STPG2: variants seen among roughly 807,000 people sequenced by gnomAD.
The protein encoded by STPG2 is sperm tail PG-rich repeat containing 2.
In STPG2, 56 loss-of-function variants were observed where a neutral mutation model predicts 54.2. That is an observed-to-expected ratio of 1.03 (90% CI 0.83 to 1.29). The LOEUF is 1.29. STPG2 is among the 50% of genes most tolerant of loss of function. The pLI is 0.00. For synonymous variants in STPG2, 200 were observed against 181.8 expected, an observed-to-expected ratio of 1.10 and a Z score of -0.81; for missense variants, 596 against 544.9, an observed-to-expected ratio of 1.09 and a Z score of -0.93.
At chr4:97,772,690 A>G (rs550276061) in intron 9 of STPG2, among the ~76,000 whole-genome samples, 4 of 152,344 alleles carry the variant, frequency 2.6e-5, no homozygotes, top group Non-Finnish European at 5.9e-5. Flanking sequence ...AAAAAGTTCT[A>G]TCTGGTAATT....
intron 8 of STPG2, among the ~76,000 whole-genome samples, chr4:97,864,119 A>C (rs1253382818): frequency 3.3e-5 from 5 of 152,176 alleles, no homozygotes; most frequent in Non-Finnish European, 7.3e-5. Flanking sequence ...AGGAGAAAGA[A>C]ATAAAGGGTA....
At chr4:98,116,509 C>T (rs1332338226) in intron 3 of STPG2, among the ~76,000 whole-genome samples, 1 of 151,882 alleles carries the variant, frequency 6.6e-6, no homozygotes, top group Non-Finnish European at 1.5e-5. Flanking sequence ...CTCCATTACA[C>T]TTCTTTGCAT....
At chr4:97,572,038 T>A (rs1732614697) in intron 10 of STPG2, among the ~76,000 whole-genome samples, 1 of 152,198 alleles carries the variant, frequency 6.6e-6, no homozygotes, top group Non-Finnish European at 1.5e-5. Flanking sequence ...AATGAAGTTT[T>A]GTACACTGCT....
At chr4:97,602,456 T>G (rs1733488747) in intron 10 of STPG2, among the ~76,000 whole-genome samples, 1 of 151,844 alleles carries the variant, frequency 6.6e-6, no homozygotes, top group Non-Finnish European at 1.5e-5. Context: ...TCTATTACTT[T>G]GTTAAGTAGA....
intron 5 of STPG2, among the ~76,000 whole-genome samples, chr4:98,072,347 G>C (rs1260128389): frequency 6.6e-6 from 1 of 152,074 alleles, no homozygotes; most frequent in Non-Finnish European, 1.5e-5. Context: ...TTTCAAGTGG[G>C]AGCTAAACGA....
intron 10 of STPG2, among the ~76,000 whole-genome samples, chr4:97,688,787 C>A (rs1040750498): frequency 6.6e-6 from 1 of 152,010 alleles, no homozygotes; most frequent in African/African-American, 2.4e-5. Flanking sequence ...TAAAGATTAA[C>A]TATTACAGGA....
At chr4:98,040,099 T>G (rs1489724534) in intron 5 of STPG2, among the ~76,000 whole-genome samples, 1 of 151,962 alleles carries the variant, frequency 6.6e-6, no homozygotes, top group East Asian at 1.9e-4. Flanking sequence ...TTTTCATATC[T>G]TTGTTGGCCA....
intron 6 of STPG2, among the ~76,000 whole-genome samples, chr4:97,976,669 T>A (rs1347049773): frequency 2.6e-5 from 4 of 152,164 alleles, no homozygotes; most frequent in African/African-American, 7.2e-5. Flanking sequence ...ACAAGTCCAA[T>A]TCTTTACTCT....
At chr4:97,973,269 G>A (rs987778896) in intron 6 of STPG2, among the ~76,000 whole-genome samples, 3 of 152,106 alleles carry the variant, frequency 2.0e-5, no homozygotes, top group African/African-American at 4.8e-5. Context: ...GTTATGTTTT[G>A]GCAAAAAGAC....
chr4:97,594,557 C>G (rs1733231537), intron 10 of STPG2, among the ~76,000 whole-genome samples: 1 of 152,078 alleles, frequency 6.6e-6, no homozygotes, highest in Non-Finnish European at 1.5e-5. Context: ...AGAAATCAAG[C>G]AAGTTGAAAA....
At chr4:97,485,404 T>C (rs547587173) in intron 4 of STPG2, among the ~76,000 whole-genome samples, 1 of 151,838 alleles carries the variant, frequency 6.6e-6, no homozygotes, top group African/African-American at 2.4e-5. Flanking sequence ...AGCTCTTCTA[T>C]ACACCAACAG....
At chr4:97,794,586 A>G (rs1295497226) in intron 9 of STPG2, among the ~76,000 whole-genome samples, 3 of 152,192 alleles carry the variant, frequency 2.0e-5, no homozygotes, top group African/African-American at 7.2e-5. Context: ...AGCCTTCTCT[A>G]AAGCTACCAT....
At chr4:97,587,979 C>T (rs1567287) in intron 10 of STPG2, among the ~76,000 whole-genome samples, 78,070 of 151,718 alleles carry the variant, frequency 0.51, 21,194 homozygotes, top group South Asian at 0.65. Flanking sequence ...AGAGATGACC[C>T]TGAGATTTGC....
chr4:97,822,586 G>C (rs571719023), intron 9 of STPG2, among the ~76,000 whole-genome samples: 1 of 152,298 alleles, frequency 6.6e-6, no homozygotes, highest in Non-Finnish European at 1.5e-5. Flanking sequence ...AGGCTTAATT[G>C]GTTCAGTGTT....
At chr4:97,633,488 C>T (rs1578439318) in intron 10 of STPG2, 1 of 152,150 alleles carries the variant, frequency 6.6e-6, no homozygotes, top group Non-Finnish European at 1.5e-5. Context: ...CTGAGGGAGG[C>T]GCCAAGATGG....
chr4:97,938,150 C>G (rs1468287473), intron 8 of STPG2, among the ~76,000 whole-genome samples: 1 of 152,154 alleles, frequency 6.6e-6, no homozygotes, highest in Non-Finnish European at 1.5e-5. Context: ...ATCTGGCCTA[C>G]GAAGGCAGCC....
chr4:98,103,110 TC>T (rs1224438329), intron 5 of STPG2, among the ~76,000 whole-genome samples: 1 of 125,014 alleles, frequency 8.0e-6, no homozygotes, highest in Non-Finnish European at 1.8e-5. Context: ...CTCCATGAGC[TC>T]TTCTTTTAAA....
At chr4:97,865,312 C>T (rs887900519) in intron 8 of STPG2, among the ~76,000 whole-genome samples, 3 of 152,138 alleles carry the variant, frequency 2.0e-5, no homozygotes, top group Non-Finnish European at 2.9e-5. Flanking sequence ...CAAAAGAAGA[C>T]ATTTATGCAG....
intron 8 of STPG2, among the ~76,000 whole-genome samples, chr4:97,934,365 C>G (rs890425830): frequency 6.6e-6 from 1 of 152,066 alleles, no homozygotes; most frequent in East Asian, 1.9e-4. Context: ...CTTCTCTTAC[C>G]TGATTGCCTT....
Sources: gnomAD v4.1 joint callset for allele counts (sites outside exome capture counted in the v4.1 genomes callset) on GRCh38, gnomAD v4.1.1 for gene constraint, MANE v1.5 for transcripts, NCBI Gene and HGNC (gene_info 2026-07-23, HGNC 2026-07-21) for gene names.